Variants in GMDS observed in about 807,000 individuals in gnomAD.
GMDS encodes the protein GDP-mannose 4,6 dehydratase.
A neutral mutation model predicts 49.9 loss-of-function variants in GMDS; 20 were observed. That is an observed-to-expected ratio of 0.40 (90% confidence interval 0.28 to 0.58). The LOEUF (loss-of-function observed/expected upper bound fraction) is 0.58, where lower values mean the gene tolerates loss of function less well. GMDS is among the 20% of genes least tolerant of loss of function. The probability of loss-of-function intolerance (pLI) is 0.42; values close to 1 mark genes in which losing one functional copy is unlikely to be tolerated. For missense variants in GMDS, 362 were observed against 481.4 expected, an observed-to-expected ratio of 0.75 and a Z score of 2.32; for synonymous variants, 177 against 178.6, an observed-to-expected ratio of 0.99 and a Z score of 0.07.
chr6:2,206,674 C>T (rs1041119677), intron 1 of GMDS, among the ~76,000 whole-genome samples: 42 of 152,040 alleles, frequency 2.8e-4, no homozygotes, highest in African/African-American at 9.7e-4. Flanking sequence ...CCAAGTCACT[C>T]ATTCAGACTG....
chr6:1,924,955 C>CAA (rs34895587), intron 7 of GMDS, among the ~76,000 whole-genome samples: 30 of 148,372 alleles, frequency 2.0e-4, no homozygotes, highest in Non-Finnish European at 4.3e-4. Flanking sequence ...GACTCCGTCT[C>CAA]AAAAAAAAAA....
Position 1,960,813 on chromosome 6 carries a change from G to C in GMDS, c.499C>G (p.Gln167Glu), listed in dbSNP as rs1763898641. 2 of 1,609,680 alleles carry C rather than the reference G, an allele frequency of 1.2e-6. No individual in the cohort carries two copies. The highest frequency in any genetic ancestry group is 3.3e-5 in the Admixed American group (2 of 59,942). The change falls in exon 5 of 11, where the codon CAG (glutamine) becomes GAG (glutamate). Residue 167 changes from glutamine (Q) to glutamate (E), a missense_variant. By Grantham distance (29) the Gln-to-Glu change is conservative. Coordinates refer to ENST00000380815, the MANE Select transcript of GMDS (RefSeq NM_001500.4). ...GGATAGAAAGGGGTGGTCTCCTTCTGGGGTATTTCCTGCACTTTCCCATAA... is the reference window on the plus strand; with the variant it reads ...GGATAGAAAGGGGTGGTCTCCTTCTCGGGTATTTCCTGCACTTTCCCATAA... ...ELYGKVQEIP[Q>E]KETTPFYPRS...
chr6:1,675,959 T>G (rs984438702), intron 9 of GMDS, among the ~76,000 whole-genome samples: 1 of 152,000 alleles, frequency 6.6e-6, no homozygotes, highest in African/African-American at 2.4e-5. Context: ...CTAGAAAATC[T>G]AGAAGAAATG....
intron 8 of GMDS, among the ~76,000 whole-genome samples, chr6:1,727,863 G>A (rs530967636): frequency 3.7e-4 from 57 of 152,104 alleles, no homozygotes; most frequent in Non-Finnish European, 6.8e-4. Context: ...ATTATATAGC[G>A]CAGTATGTTG....
At chr6:2,007,502 T>A (rs929759583) in intron 4 of GMDS, among the ~76,000 whole-genome samples, 1 of 152,320 alleles carries the variant, frequency 6.6e-6, no homozygotes, top group Middle Eastern at 3.4e-3. Context: ...TAACGAAAAA[T>A]TCTGTAAGAA....
intron 4 of GMDS, among the ~76,000 whole-genome samples, chr6:2,101,510 GA>G (rs1773922711): frequency 6.6e-6 from 1 of 151,844 alleles, no homozygotes; most frequent in African/African-American, 2.4e-5. Context: ...GGTTCAACCT[GA>G]TAAGTGGAAT....
chr6:1,881,632 T>C (rs888475096), intron 7 of GMDS, among the ~76,000 whole-genome samples: 3 of 152,194 alleles, frequency 2.0e-5, no homozygotes, highest in African/African-American at 7.2e-5. Context: ...GGCAAATCAA[T>C]CCACACACAA....
intron 9 of GMDS, among the ~76,000 whole-genome samples, chr6:1,723,329 ATTT>A (rs10717511): frequency 3.0e-5 from 3 of 100,426 alleles, no homozygotes; most frequent in Non-Finnish European, 5.9e-5. Flanking sequence ...TCTTTATGGC[ATTT>A]TTTTTTTTTT....
chr6:1,742,428 G>T, intron 8 of GMDS, 40 bp downstream of exon 8: 2 of 1,151,956 alleles, frequency 1.7e-6, no homozygotes, highest in African/African-American at 1.5e-5. Context: ...GTGCATACCT[G>T]CCAGAGAGCT....
chr6:2,156,460 A>C (rs1453923337), intron 1 of GMDS, among the ~76,000 whole-genome samples: 1 of 152,210 alleles, frequency 6.6e-6, no homozygotes, highest in Non-Finnish European at 1.5e-5. Flanking sequence ...TGGTGAGATT[A>C]ATAAGAAAAC....
chr6:2,116,940 G>C (rs529200152), intron 3 of GMDS, among the ~76,000 whole-genome samples: 1 of 152,152 alleles, frequency 6.6e-6, no homozygotes, highest in Non-Finnish European at 1.5e-5. Flanking sequence ...CAGTCTGCTT[G>C]TGCTATATAA....
chr6:2,193,743 G>A (rs75932135), intron 1 of GMDS, among the ~76,000 whole-genome samples: 2 of 35,426 alleles, frequency 5.6e-5, no homozygotes, highest in African/African-American at 3.7e-4. Flanking sequence ...TTTTTTTTTT[G>A]AGATGGAGTC....
At chr6:1,795,268 C>G (rs1052413301) in intron 7 of GMDS, among the ~76,000 whole-genome samples, 1 of 152,148 alleles carries the variant, frequency 6.6e-6, no homozygotes, top group Non-Finnish European at 1.5e-5. Flanking sequence ...CTACATGCTA[C>G]CAAAGACTCT....
chr6:1,851,042 A>G (rs1169296604), intron 7 of GMDS, among the ~76,000 whole-genome samples: 1 of 152,240 alleles, frequency 6.6e-6, no homozygotes, highest in Non-Finnish European at 1.5e-5. Flanking sequence ...CTGGGATAAC[A>G]GACTATAAAC....
chr6:1,925,506 T>C (rs1230007524), intron 7 of GMDS, among the ~76,000 whole-genome samples: 2 of 152,148 alleles, frequency 1.3e-5, no homozygotes, highest in Non-Finnish European at 2.9e-5. Context: ...TTTACACAGA[T>C]GGAAAAATCA....
At chr6:1,962,872 T>C (rs528799938) in intron 4 of GMDS, among the ~76,000 whole-genome samples, 302 of 151,514 alleles carry the variant, frequency 2.0e-3, no homozygotes, top group Non-Finnish European at 3.2e-3. Flanking sequence ...CTTTTCTTTT[T>C]TTTCTTTCTT....
intron 7 of GMDS, among the ~76,000 whole-genome samples, chr6:1,874,073 G>A (rs778306074): frequency 2.1e-4 from 32 of 152,220 alleles, no homozygotes; most frequent in Non-Finnish European, 4.1e-4. Context: ...GGCCTCCAGA[G>A]ACGACCTGCT....
chr6:1,645,027 C>T (rs567959281), intron 9 of GMDS, among the ~76,000 whole-genome samples: 2 of 151,964 alleles, frequency 1.3e-5, no homozygotes, highest in South Asian at 2.1e-4. Flanking sequence ...CCTCCACCTC[C>T]CAGGTTCAAG....
At chr6:1,741,537 G>A (rs1478229533) in intron 8 of GMDS, among the ~76,000 whole-genome samples, 6 of 152,156 alleles carry the variant, frequency 3.9e-5, no homozygotes, top group Admixed American at 2.0e-4. Flanking sequence ...TTGGCCAGGC[G>A]TGGTGGTTCA....
Sources: allele counts gnomAD v4.1 joint callset (sites outside exome capture counted in the v4.1 genomes callset), GRCh38; gene constraint gnomAD v4.1.1; transcripts MANE v1.5; gene names NCBI Gene and HGNC (gene_info 2026-07-23, HGNC 2026-07-21).